The following RALGPS1 variants were observed in gnomAD, a reference collection of about 807,000 sequenced individuals.
The protein encoded by RALGPS1 is ras-specific guanine nucleotide-releasing factor RalGPS1.
RALGPS1 carries 19 observed loss-of-function variants against 78.8 expected under a neutral mutation model. That is an observed-to-expected ratio of 0.24 (90% CI 0.17 to 0.35). RALGPS1 has a LOEUF of 0.35. Among genes scored for constraint, RALGPS1 ranks in the 10% least tolerant of loss-of-function variants. RALGPS1 has a pLI of 1.00. For synonymous variants in RALGPS1, 228 were observed against 256.3 expected (o/e 0.89, Z 1.06); for missense variants, 454 against 688.3 (o/e 0.66, Z 3.81).
At chr9:127,013,625 C>A (rs1329803746) in intron 4 of RALGPS1, among the ~76,000 whole-genome samples, 1 of 152,178 alleles carries the variant, frequency 6.6e-6, no homozygotes, top group Non-Finnish European at 1.5e-5. Context: ...TCTGCCCCAT[C>A]CCACTCCGTT....
intron 9 of RALGPS1, among the ~76,000 whole-genome samples, chr9:127,166,928 G>C (rs1465802433): frequency 6.6e-6 from 1 of 152,018 alleles, no homozygotes; most frequent in African/African-American, 2.4e-5. Context: ...GGCAGACTTG[G>C]GGTGTGGAGC....
intron 4 of RALGPS1, among the ~76,000 whole-genome samples, chr9:126,994,940 A>G (rs955477206): frequency 1.3e-5 from 2 of 152,182 alleles, no homozygotes; most frequent in African/African-American, 2.4e-5. Context: ...AAGCTTCATA[A>G]GTGAAGGAGA....
intron 4 of RALGPS1, among the ~76,000 whole-genome samples, chr9:127,021,139 G>T (rs1326753781): frequency 6.6e-6 from 1 of 152,136 alleles, no homozygotes; most frequent in Non-Finnish European, 1.5e-5. Flanking sequence ...TATAGTTCCA[G>T]TTACTCGGGA....
intron 1 of RALGPS1, among the ~76,000 whole-genome samples, chr9:126,925,685 G>A (rs2035208276): frequency 6.6e-6 from 1 of 152,054 alleles, no homozygotes; most frequent in Admixed American, 6.6e-5. Context: ...GACCAGTCTG[G>A]GCAACATAGA....
intron 14 of RALGPS1, among the ~76,000 whole-genome samples, chr9:127,201,599 A>T (rs1264857070): frequency 6.6e-6 from 1 of 152,204 alleles, no homozygotes; most frequent in East Asian, 1.9e-4. Flanking sequence ...TGCAGCTTGA[A>T]AATCTTCATT....
chr9:126,954,250 A>C (rs2038134966), intron 1 of RALGPS1, among the ~76,000 whole-genome samples: 1 of 152,124 alleles, frequency 6.6e-6, no homozygotes, highest in Non-Finnish European at 1.5e-5. Flanking sequence ...TCAAACTTAG[A>C]AGGCATCCTT....
intron 4 of RALGPS1, among the ~76,000 whole-genome samples, chr9:126,987,748 G>T (rs750100162): frequency 2.5e-4 from 38 of 150,614 alleles, no homozygotes; most frequent in Non-Finnish European, 5.0e-4. Flanking sequence ...AGTCAGCTCT[G>T]CCTTCACTCA....
chr9:127,128,710 G>GA (rs2056802346), intron 8 of RALGPS1, among the ~76,000 whole-genome samples: 1 of 152,224 alleles, frequency 6.6e-6, no homozygotes, highest in African/African-American at 2.4e-5. Flanking sequence ...CAGGTCCTGT[G>GA]ACTCTCCGCA....
At chr9:127,078,637 T>G (rs2050894622) in intron 8 of RALGPS1, among the ~76,000 whole-genome samples, 1 of 152,220 alleles carries the variant, frequency 6.6e-6, no homozygotes, top group Admixed American at 6.5e-5. Flanking sequence ...GGGAGAACCT[T>G]GTCCCATTTG....
At chr9:127,000,699 C>T (rs906145260) in intron 4 of RALGPS1, among the ~76,000 whole-genome samples, 4 of 151,318 alleles carry the variant, frequency 2.6e-5, no homozygotes, top group Admixed American at 6.6e-5. Context: ...CAGTCATGCA[C>T]CACCACCTCT....
chr9:127,081,634 T>C (rs2051181599), intron 8 of RALGPS1, among the ~76,000 whole-genome samples: 1 of 152,228 alleles, frequency 6.6e-6, no homozygotes. Context: ...TAACTATCCT[T>C]CTAGGCTCTG....
In RALGPS1 at chr9:127,212,295, C is replaced by A; in HGVS notation, c.1353+59C>A. On this transcript the variant is annotated intron_variant, in intron 15 of 18. Coordinates refer to ENST00000259351, the MANE Select transcript of RALGPS1 (RefSeq NM_014636.3). The surrounding 1 kb of genome is among the most constrained non-coding windows in gnomAD (Gnocchi z 6.0). ...GGGCTTCCACATCTGTAAATAGTGC[C>A]CACTCCTAGAGGTCTCAGCAAAAGT... 7.5e-7 allele frequency: 1 copy of A among 1,338,534 alleles called. No individual in the cohort carries two copies. Among genetic ancestry groups the A allele is most frequent in the Non-Finnish European group, 1.0e-6 (1 of 958,400 alleles). 82.9% of individuals were successfully genotyped at this position (1,338,534 alleles called of 1,614,324 possible). A position where few individuals can be genotyped will look rare whatever the true frequency, so the allele number is the denominator to read the frequency against.
chr9:126,921,794 G>A (rs145510597), intron 1 of RALGPS1, among the ~76,000 whole-genome samples: 7 of 152,304 alleles, frequency 4.6e-5, no homozygotes, highest in East Asian at 1.9e-4. Context: ...TCAGGGAGAC[G>A]CTACAAAATA....
At chr9:127,189,977 A>G (rs1205100211) in intron 11 of RALGPS1, among the ~76,000 whole-genome samples, 2 of 152,246 alleles carry the variant, frequency 1.3e-5, no homozygotes, top group Non-Finnish European at 2.9e-5. Flanking sequence ...CACTTTAAAT[A>G]ATGAAATAGT....
intron 1 of RALGPS1, among the ~76,000 whole-genome samples, chr9:126,924,955 G>A (rs577791265): frequency 2.0e-5 from 3 of 151,920 alleles, no homozygotes; most frequent in South Asian, 2.1e-4. Context: ...GAGAAACCCC[G>A]TCTCTACTAA....
chr9:127,084,078 T>C (rs969026294), intron 8 of RALGPS1, among the ~76,000 whole-genome samples: 35 of 152,060 alleles, frequency 2.3e-4, no homozygotes, highest in African/African-American at 8.0e-4. Flanking sequence ...GCCAAGCTAA[T>C]TGTTTAATTA....
intron 7 of RALGPS1, among the ~76,000 whole-genome samples, chr9:127,057,602 G>A (rs2048850154): frequency 6.6e-6 from 1 of 152,246 alleles, no homozygotes; most frequent in South Asian, 2.1e-4. Context: ...GAAAAATGCA[G>A]ATGGGTAATG....
chr9:127,201,842 C>T (rs2061647871), intron 14 of RALGPS1, among the ~76,000 whole-genome samples: 4 of 152,234 alleles, frequency 2.6e-5, no homozygotes, highest in Admixed American at 6.5e-5. Flanking sequence ...AGAGCTTCCC[C>T]TCCTCGGAGA....
At chr9:126,958,080 A>G (rs773035420) in intron 1 of RALGPS1, among the ~76,000 whole-genome samples, 30 of 149,026 alleles carry the variant, frequency 2.0e-4, no homozygotes, top group Non-Finnish European at 3.4e-4. Context: ...GCATTGAGCT[A>G]TGATTGCAGC....
Sources: allele counts gnomAD v4.1 joint callset (sites outside exome capture counted in the v4.1 genomes callset), GRCh38; gene constraint gnomAD v4.1.1; non-coding constraint Gnocchi (gnomAD v3.1); transcripts MANE v1.5; gene names NCBI Gene and HGNC (gene_info 2026-07-23, HGNC 2026-07-21).